The following DCDC2C variants were observed in gnomAD, a reference collection of about 807,000 sequenced individuals.
DCDC2C encodes the protein doublecortin domain containing 2C, also known as doublecortin domain-containing protein 2C.
Under a neutral mutation model 45.0 loss-of-function variants are expected in DCDC2C, and 44 were observed. The observed-to-expected ratio is 0.98, with a 90% CI of 0.77 to 1.26. The LOEUF (loss-of-function observed/expected upper bound fraction) is 1.26, where lower values mean the gene tolerates loss of function less well. Among genes scored for constraint, DCDC2C ranks in the 50% most tolerant of loss-of-function variants. The pLI, the probability that DCDC2C is intolerant of heterozygous loss-of-function variation, is 0.00. For missense variants in DCDC2C, 447 were observed against 468.9 expected (o/e 0.95, Z 0.43); for synonymous variants, 187 against 178.8 (o/e 1.05, Z -0.37).
intron 10 of DCDC2C, among the ~76,000 whole-genome samples, chr2:3,816,466 G>A (rs1467324966): frequency 6.6e-6 from 1 of 152,060 alleles, no homozygotes; most frequent in African/African-American, 2.4e-5. Flanking sequence ...AGTAAGTTGA[G>A]GCCTCAGCAA....
intron 10 of DCDC2C, among the ~76,000 whole-genome samples, chr2:3,827,385 G>A (rs1185830087): frequency 2.0e-5 from 3 of 152,130 alleles, no homozygotes; most frequent in Non-Finnish European, 2.9e-5. Flanking sequence ...GAACACAAGA[G>A]GGTCAGGTGG....
At position 3,839,443 on chromosome 2, in the gene DCDC2C, C is replaced by T. The variant is rs140857101; in HGVS notation, c.1066-7711C>T. 4.8e-3 allele frequency among the ~76,000 whole-genome samples: 731 copies of T among 152,208 alleles called. 6 individuals are homozygous for T. Among genetic ancestry groups the T allele is most frequent in the African/African-American group, 0.016 (681 of 41,522 alleles). ...TAGGTTTTAAACCGAGTATTGAATA[C>T]GGTACTTACATAATATTCAAATCAC... On this transcript the variant is annotated intron_variant, in intron 10 of 10. Coordinates refer to ENST00000399143, the MANE Select transcript of DCDC2C (RefSeq NM_001287444.2).
intron 2 of DCDC2C, among the ~76,000 whole-genome samples, chr2:3,726,373 C>T (rs559941505): frequency 5.3e-5 from 8 of 152,140 alleles, no homozygotes; most frequent in South Asian, 4.2e-4. Flanking sequence ...ACAGTAGGGC[C>T]GTGAGGATGA....
chr2:3,727,555 G>A (rs1251954547), intron 3 of DCDC2C, among the ~76,000 whole-genome samples: 1 of 152,202 alleles, frequency 6.6e-6, no homozygotes, highest in African/African-American at 2.4e-5. Flanking sequence ...CAAGTCAGGT[G>A]TTGCTACAGG....
In DCDC2C at chr2:3,727,211, GCT is replaced by G. The variant is rs1242465937; in HGVS notation, c.416+136_416+137del. On this transcript the variant is annotated intron_variant, in intron 3 of 10. Transcript: ENST00000399143. Reference sequence around the variant, plus strand: ...CCCTCCCCTCCCCCTGCTCTCTTGTGCTCTCACTTCCTGACAGGTGATTTCTT... The same window carrying G: ...CCCTCCCCTCCCCCTGCTCTCTTGTGCTCACTTCCTGACAGGTGATTTCTT... 7.4e-6 allele frequency: 5 copies of G among 679,752 alleles called. No individual in the cohort carries two copies. In the East Asian group the frequency reaches 1.4e-4, roughly 19 times the overall value. The allele number at this position is 679,752 out of a possible 1,614,324, so 42.1% of individuals were successfully genotyped here.
At chr2:3,844,423 A>C (rs1181504116) in intron 10 of DCDC2C, 1 of 151,720 alleles carries the variant, frequency 6.6e-6, no homozygotes, top group Admixed American at 6.6e-5. Flanking sequence ...AGCCGTCCTC[A>C]GGACAGTCAT....
chr2:3,823,622 C>T (rs1197791478), intron 10 of DCDC2C, among the ~76,000 whole-genome samples: 1 of 152,138 alleles, frequency 6.6e-6, no homozygotes, highest in African/African-American at 2.4e-5. Context: ...TATTTTGGGA[C>T]TCATGTTAGG....
In DCDC2C at chr2:3,761,085, T is replaced by A. The variant is rs908145417; in HGVS notation, c.726+6451T>A. Among the ~76,000 whole-genome samples the A allele has an allele frequency of 2.6e-5, 4 of 152,242 alleles. No homozygotes were observed. Among genetic ancestry groups the A allele is most frequent in the African/African-American group, 9.6e-5 (4 of 41,472 alleles). The stretch of plus-strand genomic sequence containing the variant: ...TGAAAGTAATTGAATGAAGCTACTC[T>A]CATTATATAGCATTCAGTTTTACGG... On this transcript the variant is annotated intron_variant, in intron 6 of 10. Transcript: ENST00000399143. This position sits in a 1 kb window ranked among gnomAD's most constrained non-coding sequence, Gnocchi z 4.3.
At chr2:3,727,365 T>TGG (rs1668720748) in intron 3 of DCDC2C, among the ~76,000 whole-genome samples, 1 of 152,196 alleles carries the variant, frequency 6.6e-6, no homozygotes, top group Non-Finnish European at 1.5e-5. Context: ...ACAGTTCACC[T>TGG]GGGGATATGA....
At chr2:3,770,423 A>G (rs1670132123) in intron 8 of DCDC2C, among the ~76,000 whole-genome samples, 2 of 152,248 alleles carry the variant, frequency 1.3e-5, no homozygotes, top group Middle Eastern at 3.4e-3. Flanking sequence ...CTGCCTCTCA[A>G]TATTCTAGCT....
intron 10 of DCDC2C, among the ~76,000 whole-genome samples, chr2:3,787,145 C>G (rs951124107): frequency 1.3e-5 from 2 of 152,158 alleles, no homozygotes; most frequent in Non-Finnish European, 2.9e-5. Flanking sequence ...AGTGATGTCC[C>G]TGAAGGAAAA....
chr2:3,749,438 T>C (rs954002913), intron 4 of DCDC2C, among the ~76,000 whole-genome samples: 2 of 152,218 alleles, frequency 1.3e-5, no homozygotes, highest in South Asian at 2.1e-4. Flanking sequence ...CATTTCTATG[T>C]CTGTGTGAGT....
Position 3,734,561 on chromosome 2 carries a change from A to G in DCDC2C, c.417-7359A>G, listed in dbSNP as rs963205908. Among the ~76,000 whole-genome samples the G allele has an allele frequency of 3.3e-5, 5 of 152,322 alleles. No homozygotes were observed. The East Asian group carries it at 9.6e-4, about 29-fold the overall frequency. On this transcript the variant is annotated intron_variant, in intron 3 of 10. Transcript: ENST00000399143. This position sits in a 1 kb window ranked among gnomAD's most constrained non-coding sequence, Gnocchi z 4.2. ...TTTCGTAAGAGGGAAGTTTAGCCAC[A>G]GAGAAATGCTGTGTTCTCATTAAGC...
chr2:3,763,797 A>G (rs1354967631), intron 6 of DCDC2C, among the ~76,000 whole-genome samples: 4 of 152,054 alleles, frequency 2.6e-5, no homozygotes, highest in African/African-American at 9.7e-5. Context: ...GCTTGGTGCT[A>G]CCCATGTGTT....
chr2:3,777,504 A>C (rs942493859), intron 8 of DCDC2C, among the ~76,000 whole-genome samples: 1 of 152,246 alleles, frequency 6.6e-6, no homozygotes, highest in Non-Finnish European at 1.5e-5. Flanking sequence ...GATTGATATC[A>C]CATCGACTAT....
chr2:3,754,547 AG>A, intron 5 of DCDC2C, 44 bp from the exon 6 acceptor site: 2 of 1,540,738 alleles, frequency 1.3e-6, no homozygotes, highest in Non-Finnish European at 1.8e-6. Flanking sequence ...GAGATAACTT[AG>A]GGCCGGGCTT....
chr2:3,708,658 T>G, intron 2 of DCDC2C, 58 bp downstream of exon 2: 2 of 1,327,284 alleles, frequency 1.5e-6, no homozygotes, highest in South Asian at 2.6e-5. Flanking sequence ...TGGTAAAAAT[T>G]TAAATGTCGG....
chr2:3,804,157 G>A (rs937101498), intron 10 of DCDC2C, among the ~76,000 whole-genome samples: 1 of 149,856 alleles, frequency 6.7e-6, no homozygotes, highest in Admixed American at 6.6e-5. Flanking sequence ...CAGTGACGCT[G>A]ACCTGCAGAG....
chr2:3,706,405 T>C (rs1433889675), intron 1 of DCDC2C, among the ~76,000 whole-genome samples: 1 of 152,220 alleles, frequency 6.6e-6, no homozygotes, highest in Non-Finnish European at 1.5e-5. Flanking sequence ...TTTTTCTTTA[T>C]AAAACAAAAT....
Sources: gnomAD v4.1 joint callset for allele counts (sites outside exome capture counted in the v4.1 genomes callset) on GRCh38, gnomAD v4.1.1 for gene constraint, Gnocchi (gnomAD v3.1) non-coding constraint, MANE v1.5 for transcripts, NCBI Gene and HGNC (gene_info 2026-07-23, HGNC 2026-07-21) for gene names.